Variants in NPHP3 observed in about 807,000 individuals in gnomAD.
NPHP3 encodes the protein nephrocystin 3, also known as nephrocystin-3.
NPHP3 carries 123 observed loss-of-function variants against 171.9 expected under a neutral mutation model. That is an observed-to-expected ratio of 0.72 (90% CI 0.62 to 0.83). NPHP3 has a LOEUF of 0.83. Ranked by LOEUF, NPHP3 falls within the 40% of genes least tolerant of loss-of-function variation. The probability of loss-of-function intolerance (pLI) is 0.00; values close to 1 mark genes in which losing one functional copy is unlikely to be tolerated. For synonymous variants in NPHP3, 558 were observed against 579.2 expected (o/e 0.96, Z 0.52); for missense variants, 1,506 against 1,591.9 (o/e 0.95, Z 0.92).
At position 132,683,615 on chromosome 3, in the gene NPHP3, G is replaced by A. The variant is rs551401117; in HGVS notation, c.3571-91C>T. 25 of 1,058,792 alleles carry A rather than the reference G, an allele frequency of 2.4e-5. 2 individuals carry two copies. In the South Asian group the frequency reaches 3.2e-4, roughly 13 times the overall value. 65.6% of individuals were successfully genotyped at this position (1,058,792 alleles called of 1,614,324 possible). A position where few individuals can be genotyped will look rare whatever the true frequency, so the allele number is the denominator to read the frequency against. ...TCCATAAGTAAAATTTCATATTAAA[G>A]GGTAATTTTGAGGGAAAAAAATCTC... is the stretch of plus-strand genomic sequence containing the variant. On this transcript the variant is annotated intron_variant, in intron 24 of 26. Transcript: ENST00000337331.
rs1412263745 is a variant in NPHP3 at position 132,686,504 on chromosome 3, A to G, written c.3202-117T>C. 6.1e-6 allele frequency: 7 copies of G among 1,147,512 alleles called. No individual in the cohort carries two copies. The East Asian group carries it at 1.3e-4, about 21-fold the overall frequency. The allele number at this position is 1,147,512 out of a possible 1,614,324, so 71.1% of individuals were successfully genotyped here. ...TTTTTCCCATTTAATCTAGATAACT[A>G]TTATTTTAAGCATCACACTAAATTA... On this transcript the variant is annotated intron_variant, in intron 22 of 26. Transcript: ENST00000337331.
chr3:132,704,365 G>A lies in NPHP3; in HGVS notation c.1357C>T (p.Leu453=), dbSNP rs535110862. The part of the protein sequence containing the change: ...CVEKIIKQDI[L]GFENTDLETK... ...TCCAAGTCTGTGTTCTCAAAACCCA[G>A]TATGTCCTAAACACAAAGAACAACC... Residue 453 remains leucine (L), a synonymous_variant, in exon 9 of 27, where the codon CTG becomes TTG. Transcript: ENST00000337331. The A allele has an allele frequency of 1.3e-4, 214 of 1,614,078 alleles. No individual in the cohort carries two copies. The South Asian group carries it at 2.2e-3, about 17-fold the overall frequency.
chr3:132,698,451 T>A (rs1167499023), intron 13 of NPHP3, among the ~76,000 whole-genome samples: 2 of 151,878 alleles, frequency 1.3e-5, no homozygotes, highest in East Asian at 3.9e-4. Context: ...CTAATTTTTG[T>A]ATTTTTGGTA....
intron 21 of NPHP3, among the ~76,000 whole-genome samples, chr3:132,687,657 G>C (rs529894982): frequency 6.6e-6 from 1 of 152,204 alleles, no homozygotes; most frequent in Admixed American, 6.5e-5. Context: ...GCTAATTTCT[G>C]GTCAAGTTTA....
chr3:132,698,279 ATTTG>A (rs1324105492), intron 13 of NPHP3, among the ~76,000 whole-genome samples: 2 of 151,374 alleles, frequency 1.3e-5, no homozygotes, highest in African/African-American at 4.9e-5. Flanking sequence ...GCGCCCAGCC[ATTTG>A]TTTGTTTTTT....
intron 5 of NPHP3, 82 bp downstream of exon 5, chr3:132,715,003 G>A (rs1239088556): frequency 8.7e-7 from 1 of 1,153,454 alleles, no homozygotes; most frequent in Non-Finnish European, 1.3e-6. Flanking sequence ...CTATTTGGTT[G>A]AGATACAGTA....
chr3:132,682,344 G>A, intron 26 of NPHP3: 1 of 563,656 alleles, frequency 1.8e-6, no homozygotes, highest in Non-Finnish European at 3.2e-6. Flanking sequence ...GCTAAGCAAA[G>A]TTAGGTATTC....
At chr3:132,686,806 G>A (rs1939174105) in intron 22 of NPHP3, among the ~76,000 whole-genome samples, 2 of 152,094 alleles carry the variant, frequency 1.3e-5, no homozygotes, top group Admixed American at 6.5e-5. Context: ...AACTTTTATT[G>A]TGTATTTGAG....
At chr3:132,712,334 T>C (rs1222572698) in intron 6 of NPHP3, 1 of 441,780 alleles carries the variant, frequency 2.3e-6, no homozygotes, top group Non-Finnish European at 4.5e-6. Flanking sequence ...GAATGAAGGT[T>C]AATGTTGATT....
chr3:132,684,593 T>C lies in NPHP3; in HGVS notation c.3531A>G (p.Ala1177=), dbSNP rs750344785. The change falls in exon 24 of 27, where the codon GCA becomes GCG. Residue 1177 remains alanine (A), a synonymous_variant. Transcript: ENST00000337331. The stretch of plus-strand genomic sequence containing the variant: ...AGATGGCAAGATGCTTCACCGTATA[T>C]GCCAAAGAAGGGTGATCAGGAGCTA... ...RALAPDHPSL[A]YTVKHLAILY... 6.2e-6 allele frequency: 10 copies of C among 1,614,126 alleles called. No individual in the cohort carries two copies. The South Asian group carries it at 9.9e-5, about 16-fold the overall frequency.
At chr3:132,689,343 C>G in intron 19 of NPHP3, 80 bp from the exon 20 acceptor site, 1 of 1,446,880 alleles carries the variant, frequency 6.9e-7, no homozygotes, top group South Asian at 1.1e-5. Context: ...GAATTAATAT[C>G]AAGTTATTGA....
chr3:132,695,716 T>C (rs1381954643), intron 15 of NPHP3, among the ~76,000 whole-genome samples: 1 of 152,098 alleles, frequency 6.6e-6, no homozygotes, highest in Non-Finnish European at 1.5e-5. Context: ...GGTGGATTGC[T>C]TGAGCCCAGG....
intron 7 of NPHP3, among the ~76,000 whole-genome samples, chr3:132,706,768 T>C (rs1939766667): frequency 6.6e-6 from 1 of 152,180 alleles, no homozygotes. Flanking sequence ...CATACTAAAT[T>C]TTTTAAAGTA....
intron 22 of NPHP3, 38 bp from the exon 23 acceptor site, chr3:132,686,425 T>C: frequency 6.2e-7 from 1 of 1,613,320 alleles, no homozygotes; most frequent in Non-Finnish European, 8.5e-7. Flanking sequence ...AATCACTAAG[T>C]AGGTGCAATC....
intron 8 of NPHP3, among the ~76,000 whole-genome samples, chr3:132,705,294 C>T (rs1268458660): frequency 6.6e-6 from 1 of 152,126 alleles, no homozygotes; most frequent in Non-Finnish European, 1.5e-5. Flanking sequence ...AGACTTCCAG[C>T]TCAAGGCCCC....
At chr3:132,699,773 C>A in intron 12 of NPHP3, 145 bp downstream of exon 12, 1 of 855,816 alleles carries the variant, frequency 1.2e-6, no homozygotes, top group Non-Finnish European at 1.8e-6. Flanking sequence ...TTTTTTAATC[C>A]ATGTTACCTC....
chr3:132,689,030 A>T, intron 20 of NPHP3, 44 bp downstream of exon 20: 1 of 1,613,354 alleles, frequency 6.2e-7, no homozygotes, highest in Non-Finnish European at 8.5e-7. Flanking sequence ...GTGAACACAA[A>T]AATCCCACCT....
rs547310372 is a variant in NPHP3, at chr3:132,694,967, T to C, written c.2172-2A>G. ...TCTAAATTGCCTGCTCTCCCAGCAC[T>C]GTTGGAATCGAGAAGAGATTTAATT... On this transcript the variant is annotated splice_acceptor_variant, in intron 15 of 26. Transcript: ENST00000337331. LOFTEE classifies it high-confidence loss of function. 1.9e-6 allele frequency: 3 copies of C among 1,613,786 alleles called. No homozygotes were observed. The highest frequency in any genetic ancestry group is 1.1e-5 in the South Asian group (1 of 91,080).
At chr3:132,713,355 TTAAAA>T (rs1210830965) in intron 5 of NPHP3, 69 bp from the exon 6 acceptor site, 8 of 1,083,262 alleles carry the variant, frequency 7.4e-6, no homozygotes, top group African/African-American at 3.2e-5. Context: ...TTCATACTAC[TTAAAA>T]TAAAAAGCAC....
Sources: allele counts gnomAD v4.1 joint callset (sites outside exome capture counted in the v4.1 genomes callset), GRCh38; gene constraint gnomAD v4.1.1; transcripts MANE v1.5; gene names NCBI Gene and HGNC (gene_info 2026-07-23, HGNC 2026-07-21).